Variants in VPS13A observed in about 807,000 individuals in gnomAD.
The protein encoded by VPS13A is vacuolar protein sorting 13 homolog A, also known as intermembrane lipid transfer protein VPS13A.
Under a neutral mutation model 390.9 loss-of-function variants are expected in VPS13A, and 264 were observed. The observed-to-expected ratio is 0.68, with a 90% CI of 0.61 to 0.75. VPS13A has a LOEUF of 0.75. VPS13A is among the 30% of genes least tolerant of loss of function. The pLI, the probability that VPS13A is intolerant of heterozygous loss-of-function variation, is 0.00. For synonymous variants in VPS13A, 1,231 were observed against 1,227.1 expected (o/e 1.00, Z -0.07); for missense variants, 3,409 against 3,733.9 (o/e 0.91, Z 2.27).
intron 44 of VPS13A, among the ~76,000 whole-genome samples, chr9:77,322,444 T>C (rs542238293): frequency 6.6e-6 from 1 of 152,106 alleles, no homozygotes; most frequent in South Asian, 2.1e-4. Flanking sequence ...GGTAGGCTAC[T>C]AAAATAGCTT....
chr9:77,342,648 G>T (rs1387291665), intron 50 of VPS13A, among the ~76,000 whole-genome samples: 1 of 152,136 alleles, frequency 6.6e-6, no homozygotes, highest in Non-Finnish European at 1.5e-5. Flanking sequence ...AGGTGTATGT[G>T]AAACATAAAT....
chr9:77,306,401 A>AGAGAGAGAGAGTGTGT (rs550279922), intron 34 of VPS13A, among the ~76,000 whole-genome samples: 1 of 107,696 alleles, frequency 9.3e-6, no homozygotes, highest in African/African-American at 3.5e-5. Flanking sequence ...AGAGAGAGAG[A>AGAGAGAGAGAGTGTGT]GTGTGTGTGT....
At chr9:77,221,034 A>G in intron 12 of VPS13A, 151 bp from the exon 13 acceptor site, 1 of 762,872 alleles carries the variant, frequency 1.3e-6, no homozygotes, top group Middle Eastern at 3.7e-4. Flanking sequence ...ATTAATGCAA[A>G]TGGAGTTGGG....
intron 68 of VPS13A, among the ~76,000 whole-genome samples, chr9:77,400,376 T>C (rs1834326440): frequency 6.6e-6 from 1 of 152,082 alleles, no homozygotes; most frequent in Non-Finnish European, 1.5e-5. Flanking sequence ...TGACAAATAT[T>C]TTCCCAAATT....
At chr9:77,305,733 G>C (rs1339504238) in intron 34 of VPS13A, 1 of 152,720 alleles carries the variant, frequency 6.5e-6, no homozygotes, top group Non-Finnish European at 1.5e-5. Context: ...TCTCTCCTGG[G>C]CCTCATCTTC....
intron 19 of VPS13A, among the ~76,000 whole-genome samples, chr9:77,239,615 T>G (rs1824352084): frequency 6.6e-6 from 1 of 151,982 alleles, no homozygotes; most frequent in Non-Finnish European, 1.5e-5. Flanking sequence ...TTTTTCCCTG[T>G]GTTTTCAGAT....
At position 77,318,384 on chromosome 9, in the gene VPS13A, A is replaced by C. The variant is rs1222721565; in HGVS notation, c.5106A>C (p.Glu1702Asp). ...TKTLKMWFLE[E>D]SNETEKIAPT... ...CTTTAAAAATGTGGTTTCTTGAAGA[A>C]TCAAATGAAACTGAAAAAATAGCTC... The change falls in exon 41 of 72, where the codon GAA (glutamate) becomes GAC (aspartate). Residue 1702 changes from glutamate (E) to aspartate (D), a missense_variant. Coordinates refer to ENST00000360280, the MANE Select transcript of VPS13A (RefSeq NM_033305.3). The C allele has an allele frequency of 3.1e-6, 5 of 1,613,814 alleles. No individual in the cohort carries two copies. The highest frequency in any genetic ancestry group is 3.4e-6 in the Non-Finnish European group (4 of 1,179,900).
At position 77,406,071 on chromosome 9, in the gene VPS13A, A is replaced by G; in HGVS notation, c.9399+84A>G. On this transcript the variant is annotated intron_variant, in intron 70 of 71. Transcript: ENST00000360280. ...GTCCTTTTTATTTGTATAATGCTCT[A>G]CCTCTTTTATAGATGTCACTTTGTC... 5.2e-6 allele frequency: 8 copies of G among 1,549,802 alleles called. No homozygotes were observed. In the South Asian group the frequency reaches 5.6e-5, roughly 11 times the overall value.
intron 34 of VPS13A, among the ~76,000 whole-genome samples, chr9:77,303,900 G>A (rs1470516380): frequency 1.3e-5 from 2 of 152,038 alleles, no homozygotes; most frequent in Non-Finnish European, 2.9e-5. Flanking sequence ...GTTTTATACC[G>A]AGACATTCAG....
chr9:77,321,161 C>A lies in VPS13A; in HGVS notation c.5416-8C>A, dbSNP rs753516635. On this transcript the variant is annotated splice_polypyrimidine_tract_variant and splice_region_variant and intron_variant, in intron 42 of 71. Transcript: ENST00000360280. ...TTTTCCTTATATTTCTATGATTTAT[C>A]ATTTTAGATGAAAAAGAAAGCAAAA... 1 of 1,609,910 alleles carries A rather than the reference C, an allele frequency of 6.2e-7. No homozygotes were observed. The highest frequency in any genetic ancestry group is 1.1e-5 in the South Asian group (1 of 90,750).
chr9:77,271,656 G>T (rs554654817), intron 23 of VPS13A, among the ~76,000 whole-genome samples: 19 of 152,244 alleles, frequency 1.2e-4, no homozygotes, highest in African/African-American at 4.6e-4. Flanking sequence ...AGCAGTGATG[G>T]GCAGTGATTG....
intron 52 of VPS13A, among the ~76,000 whole-genome samples, chr9:77,345,369 C>T (rs1342426055): frequency 5.3e-5 from 8 of 152,116 alleles, no homozygotes; most frequent in Admixed American, 1.3e-4. Flanking sequence ...AGAGCTGAAG[C>T]AAGTGTGGCA....
At chr9:77,240,353 C>G (rs986284453) in intron 19 of VPS13A, among the ~76,000 whole-genome samples, 7 of 151,620 alleles carry the variant, frequency 4.6e-5, no homozygotes, top group African/African-American at 1.7e-4. Flanking sequence ...TCCCAAAGTG[C>G]TGGGATTACA....
chr9:77,229,788 G>A (rs1823721713), intron 17 of VPS13A, among the ~76,000 whole-genome samples: 1 of 152,092 alleles, frequency 6.6e-6, no homozygotes. Context: ...TAGACACCTG[G>A]GGTGGAATTG....
In VPS13A at chr9:77,356,866, C is replaced by T. The variant is rs141031668; in HGVS notation, c.7805C>T (p.Pro2602Leu). 59 of 1,613,402 alleles carry T rather than the reference C, an allele frequency of 3.7e-5. No homozygotes were observed. Among genetic ancestry groups the T allele is most frequent in the East Asian group, 2.0e-4 (9 of 44,780 alleles). The change falls in exon 55 of 72, where the codon CCG becomes CTG. Residue 2602 changes from proline to leucine, a missense_variant and splice_region_variant. Physicochemically the swap from Pro to Leu is moderately conservative, Grantham distance 98. Coordinates refer to ENST00000360280, the MANE Select transcript of VPS13A (RefSeq NM_033305.3). ...GTTATTCAGTTGGACACTAATGTTC[C>T]GGTAATATTTTTAAGTACTGATGTG... ...DKVIQLDTNV[P>L]VRLTPTGHNM...
intron 20 of VPS13A, among the ~76,000 whole-genome samples, chr9:77,249,835 G>A (rs1238244418): frequency 6.6e-6 from 1 of 152,080 alleles, no homozygotes; most frequent in Non-Finnish European, 1.5e-5. Context: ...AAAATTTGTA[G>A]ACATATTATT....
chr9:77,270,501 G>C (rs1010566483), intron 23 of VPS13A, among the ~76,000 whole-genome samples: 4 of 152,106 alleles, frequency 2.6e-5, no homozygotes, highest in Non-Finnish European at 4.4e-5. Context: ...GACCAGCCTG[G>C]CCAACACGAT....
chr9:77,198,297 A>T (rs1318732924), intron 1 of VPS13A, among the ~76,000 whole-genome samples: 1 of 152,222 alleles, frequency 6.6e-6, no homozygotes, highest in South Asian at 2.1e-4. Context: ...TTTTTGTCTG[A>T]GAAGTCTCTG....
In VPS13A at chr9:77,336,020, G is replaced by A. The variant is rs188897826; in HGVS notation, c.6096-1235G>A. Among the ~76,000 whole-genome samples, 101 of 152,230 alleles carry A rather than the reference G, an allele frequency of 6.6e-4. 1 individual carries two copies. Among genetic ancestry groups the A allele is most frequent in the African/African-American group, 2.3e-3 (94 of 41,540 alleles). On this transcript the variant is annotated intron_variant, in intron 46 of 71. Transcript: ENST00000360280. ...GCACGTATACAGCATGAAATACTAC[G>A]CAGCCATAGAAAAGAATGAGTTCAT... is the stretch of plus-strand genomic sequence containing the variant.
Sources: allele counts gnomAD v4.1 joint callset (sites outside exome capture counted in the v4.1 genomes callset), GRCh38; gene constraint gnomAD v4.1.1; transcripts MANE v1.5; gene names NCBI Gene and HGNC (gene_info 2026-07-23, HGNC 2026-07-21).